DPYD: variants seen among roughly 807,000 people sequenced by gnomAD.
DPYD encodes the protein dihydropyrimidine dehydrogenase [NADP(+)].
Under a neutral mutation model 116.2 loss-of-function variants are expected in DPYD, and 109 were observed. That is an observed-to-expected ratio of 0.94 (90% CI 0.80 to 1.10). DPYD has a LOEUF of 1.10. Among genes scored for constraint, DPYD ranks in the 50% least tolerant of loss-of-function variants. The pLI is 0.00. For missense variants in DPYD, 1,302 were observed against 1,254.5 expected, an observed-to-expected ratio of 1.04 and a Z score of -0.57; for synonymous variants, 440 against 432.0, an observed-to-expected ratio of 1.02 and a Z score of -0.23.
intron 8 of DPYD, among the ~76,000 whole-genome samples, chr1:97,644,798 T>C (rs1455832838): frequency 6.6e-6 from 1 of 151,964 alleles, no homozygotes; most frequent in Non-Finnish European, 1.5e-5. Context: ...CACACATACA[T>C]TCTGGAATAA....
At chr1:97,907,355 T>C (rs1673689308) in intron 1 of DPYD, among the ~76,000 whole-genome samples, 1 of 152,098 alleles carries the variant, frequency 6.6e-6, no homozygotes, top group African/African-American at 2.4e-5. Flanking sequence ...TGTGCATATC[T>C]GGAAGTTAAG....
intron 12 of DPYD, among the ~76,000 whole-genome samples, chr1:97,534,705 G>A (rs772374197): frequency 6.6e-6 from 1 of 151,898 alleles, no homozygotes. Context: ...TTTAAATCCA[G>A]TTCCTCAGCT....
Position 97,277,963 on chromosome 1 carries a change from C to G in DPYD, c.2299+27296G>C, listed in dbSNP as rs537958152. ...ACACCATGCATCCTTATTGCTGTTT[C>G]TGAGCATTCTACTATATTTAGCCCT... On this transcript the variant is annotated intron_variant, in intron 18 of 22. Transcript: ENST00000370192. Among the ~76,000 whole-genome samples the G allele has an allele frequency of 3.3e-5, 5 of 152,268 alleles. No individual in the cohort carries two copies. The South Asian group carries it at 8.3e-4, about 25-fold the overall frequency.
intron 8 of DPYD, among the ~76,000 whole-genome samples, chr1:97,638,650 T>C (rs1184604031): frequency 6.6e-6 from 1 of 152,168 alleles, no homozygotes; most frequent in Non-Finnish European, 1.5e-5. Context: ...TGTACTAACA[T>C]GGCACTCATA....
intron 8 of DPYD, among the ~76,000 whole-genome samples, chr1:97,664,385 ATG>A (rs1340492210): frequency 1.3e-5 from 2 of 151,876 alleles, no homozygotes; most frequent in East Asian, 1.9e-4. Context: ...AAACATATAT[ATG>A]TGTGTGTGTA....
chr1:97,136,915 A>T (rs1653851246), intron 20 of DPYD, among the ~76,000 whole-genome samples: 1 of 152,200 alleles, frequency 6.6e-6, no homozygotes, highest in Non-Finnish European at 1.5e-5. Context: ...AAGAATCGTT[A>T]AAATGGACAA....
intron 20 of DPYD, among the ~76,000 whole-genome samples, chr1:97,149,999 A>G (rs1654903101): frequency 6.6e-6 from 1 of 152,134 alleles, no homozygotes. Flanking sequence ...GCCATTGTCA[A>G]CCTTTCTAAT....
At chr1:97,115,405 G>C (rs565895461) in intron 20 of DPYD, among the ~76,000 whole-genome samples, 1 of 152,182 alleles carries the variant, frequency 6.6e-6, no homozygotes, top group South Asian at 2.1e-4. Context: ...GACAAAATTG[G>C]TATTTACTCC....
chr1:97,250,187 G>A (rs1570757859), intron 18 of DPYD, among the ~76,000 whole-genome samples: 2 of 151,900 alleles, frequency 1.3e-5, no homozygotes, highest in Non-Finnish European at 2.9e-5. Flanking sequence ...GGAGAATCGC[G>A]TGAACATGGG....
At chr1:97,412,877 G>T (rs905402101) in intron 14 of DPYD, among the ~76,000 whole-genome samples, 1 of 152,116 alleles carries the variant, frequency 6.6e-6, no homozygotes, top group African/African-American at 2.4e-5. Flanking sequence ...AGAACAGAAA[G>T]GTGTCCTTCC....
chr1:97,266,663 A>G (rs756002486), intron 18 of DPYD, among the ~76,000 whole-genome samples: 3 of 151,940 alleles, frequency 2.0e-5, no homozygotes, highest in African/African-American at 4.8e-5. Context: ...ATTTCTCCTA[A>G]TGCTATCCCT....
intron 5 of DPYD, among the ~76,000 whole-genome samples, chr1:97,701,773 A>G (rs1661611722): frequency 6.6e-6 from 1 of 151,808 alleles, no homozygotes; most frequent in Admixed American, 6.6e-5. Context: ...GGTCCTCATA[A>G]ATGGTCTCAT....
At chr1:97,334,932 T>A (rs937402823) in intron 16 of DPYD, among the ~76,000 whole-genome samples, 9 of 152,148 alleles carry the variant, frequency 5.9e-5, no homozygotes, top group African/African-American at 2.2e-4. Context: ...CGGTGCATAT[T>A]GGGAAAAGCA....
chr1:97,105,899 G>A (rs1290974008), intron 20 of DPYD, among the ~76,000 whole-genome samples: 1 of 152,106 alleles, frequency 6.6e-6, no homozygotes, highest in African/African-American at 2.4e-5. Flanking sequence ...GTAAGGAAAT[G>A]AAGTGAAGGA....
chr1:97,198,486 C>G (rs1404472640), intron 19 of DPYD, among the ~76,000 whole-genome samples: 1 of 152,086 alleles, frequency 6.6e-6, no homozygotes, highest in Non-Finnish European at 1.5e-5. Context: ...CAGCTTTGCC[C>G]ATGGATTTGA....
At chr1:97,134,510 T>C (rs551653268) in intron 20 of DPYD, among the ~76,000 whole-genome samples, 2 of 152,306 alleles carry the variant, frequency 1.3e-5, no homozygotes, top group East Asian at 3.9e-4. Context: ...ATAGTCATGA[T>C]TTCTTGCAGT....
chr1:97,450,194 G>A lies in DPYD; in HGVS notation c.1770C>T (p.Ile590=). ...TGGGGCCAGAGGTGGTTCCCCGGATGATTCTGGGGGAAACATTTGTCACAA... is the reference window on the plus strand; with the variant it reads ...TGGGGCCAGAGGTGGTTCCCCGGATAATTCTGGGGGAAACATTTGTCACAA... The part of the protein sequence containing the change: ...KDIVTNVSPR[I]IRGTTSGPMY... Residue 590 remains isoleucine (I), a synonymous_variant, in exon 14 of 23, where the codon ATC becomes ATT. Coordinates refer to ENST00000370192, the MANE Select transcript of DPYD (RefSeq NM_000110.4). 1 of 1,613,744 alleles carries A rather than the reference G, an allele frequency of 6.2e-7. No homozygotes were observed. Among genetic ancestry groups the A allele is most frequent in the South Asian group, 1.1e-5 (1 of 91,068 alleles).
At chr1:97,163,551 TGTGAAGTCCAAGATCAAA>T (rs1312407029) in intron 20 of DPYD, among the ~76,000 whole-genome samples, 1 of 152,174 alleles carries the variant, frequency 6.6e-6, no homozygotes, top group East Asian at 1.9e-4. Context: ...TTCTGGAGGC[TGTGAAGTCCAAGATCAAA>T]GTGCTGGCAG....
At chr1:97,811,351 T>C (rs1668342418) in intron 3 of DPYD, among the ~76,000 whole-genome samples, 1 of 152,090 alleles carries the variant, frequency 6.6e-6, no homozygotes, top group African/African-American at 2.4e-5. Context: ...TTGTACTTTG[T>C]ATATGTAAGA....
Sources: allele counts gnomAD v4.1 joint callset (sites outside exome capture counted in the v4.1 genomes callset), GRCh38; gene constraint gnomAD v4.1.1; transcripts MANE v1.5; gene names NCBI Gene and HGNC (gene_info 2026-07-23, HGNC 2026-07-21).